Variants in ZC3H12B observed in about 807,000 individuals in gnomAD.
The protein encoded by ZC3H12B is zinc finger CCCH-type containing 12B, also known as probable ribonuclease ZC3H12B.
A neutral mutation model predicts 43.9 loss-of-function variants in ZC3H12B; 7 were observed. The observed-to-expected ratio is 0.16, with a 90% CI of 0.09 to 0.30. The LOEUF is 0.30. Among genes scored for constraint, ZC3H12B ranks in the 10% least tolerant of loss-of-function variants. ZC3H12B has a pLI of 1.00. For synonymous variants in ZC3H12B, 222 were observed against 241.7 expected (o/e 0.92, Z 0.76); for missense variants, 475 against 670.2 (o/e 0.71, Z 3.22).
At chrX:65,288,939 C>T in the ZC3H12B span, among the ~76,000 whole-genome samples, 1 of 110,915 alleles carries the variant, frequency 9.0e-6, no homozygotes, top group Non-Finnish European at 1.9e-5. Flanking sequence ...CATTTTTATA[C>T]ATTAAAAATG....
At chrX:65,271,079 A>C in the ZC3H12B span, 1 of 113,089 alleles carries the variant, frequency 8.8e-6, no homozygotes, top group South Asian at 3.7e-4. Flanking sequence ...TGACCATTAC[A>C]TATGATGCTG....
At chrX:65,478,598 G>A in intron 3 of ZC3H12B, among the ~76,000 whole-genome samples, 1 of 112,128 alleles carries the variant, frequency 8.9e-6, no homozygotes, top group African/African-American at 3.2e-5. Flanking sequence ...TAGCTTATTT[G>A]TCAGCTATTG....
intron 3 of ZC3H12B, among the ~76,000 whole-genome samples, chrX:65,466,459 C>A (rs1467956455): frequency 9.1e-6 from 1 of 109,686 alleles, no homozygotes; most frequent in Admixed American, 9.9e-5. Context: ...TTATCATTAT[C>A]CTGTTATCCA....
At chrX:65,127,721 A>G in the ZC3H12B span, among the ~76,000 whole-genome samples, 1 of 110,588 alleles carries the variant, frequency 9.0e-6, no homozygotes, top group African/African-American at 3.3e-5. Context: ...GGATGGGGAT[A>G]TGGTTCTCAA....
the ZC3H12B span, among the ~76,000 whole-genome samples, chrX:65,168,349 C>T: frequency 1.8e-5 from 2 of 111,385 alleles, no homozygotes; most frequent in African/African-American, 3.3e-5. Flanking sequence ...TATTGATTTG[C>T]ATATGTTGAA....
chrX:65,187,186 A>G, the ZC3H12B span: 1 of 111,734 alleles, frequency 8.9e-6, no homozygotes, highest in African/African-American at 3.3e-5. Flanking sequence ...GCACTATTGT[A>G]TCATTTCTCT....
At chrX:65,104,322 CT>C in the ZC3H12B span, among the ~76,000 whole-genome samples, 1 of 111,771 alleles carries the variant, frequency 8.9e-6, no homozygotes, top group Non-Finnish European at 1.9e-5. Context: ...AGAAGAAAAT[CT>C]AGGCAATACC....
chrX:65,488,225 G>A (rs916347290), upstream of ZC3H12B, among the ~76,000 whole-genome samples: 13 of 110,786 alleles, frequency 1.2e-4, no homozygotes, highest in African/African-American at 4.3e-4. Flanking sequence ...TATGGTGTGG[G>A]ATCTGGAAAC....
At chrX:65,217,296 C>T in the ZC3H12B span, among the ~76,000 whole-genome samples, 2 of 112,032 alleles carry the variant, frequency 1.8e-5, no homozygotes, top group African/African-American at 6.5e-5. Flanking sequence ...GTTAACAATA[C>T]TCATTGTCCT....
the ZC3H12B span, among the ~76,000 whole-genome samples, chrX:65,175,440 T>A: frequency 1.8e-5 from 2 of 112,140 alleles, no homozygotes; most frequent in East Asian, 5.6e-4. Context: ...GGAACCAATG[T>A]AATGACTATC....
chrX:65,269,361 AAAAC>A, the ZC3H12B span, among the ~76,000 whole-genome samples: 1 of 108,324 alleles, frequency 9.2e-6, no homozygotes, highest in African/African-American at 3.4e-5. Context: ...AAAACAAAAC[AAAAC>A]AAAAAAAAAA....
chrX:65,477,003 T>C (rs950228582), intron 3 of ZC3H12B, among the ~76,000 whole-genome samples: 21 of 104,777 alleles, frequency 2.0e-4, no homozygotes, highest in Non-Finnish European at 3.9e-5. Flanking sequence ...TTTTTTTTTT[T>C]TTGTATTTTT....
the ZC3H12B span, among the ~76,000 whole-genome samples, chrX:65,150,479 T>G: frequency 9.1e-6 from 1 of 109,967 alleles, no homozygotes; most frequent in Non-Finnish European, 1.9e-5. Context: ...ATCCTCTAAG[T>G]TCCTTCCCTG....
the ZC3H12B span, among the ~76,000 whole-genome samples, chrX:65,340,447 C>T: frequency 3.6e-5 from 4 of 112,030 alleles, no homozygotes; most frequent in African/African-American, 1.3e-4. Flanking sequence ...TGGCTAGGAC[C>T]ACCCATCAGA....
At chrX:65,422,160 T>A (rs1179418969) in intron 3 of ZC3H12B, among the ~76,000 whole-genome samples, 2 of 111,069 alleles carry the variant, frequency 1.8e-5, no homozygotes, top group Non-Finnish European at 1.9e-5. Context: ...CAGCATTCAA[T>A]ATACGGTGCT....
chrX:65,405,070 C>A, intron 3 of ZC3H12B, among the ~76,000 whole-genome samples: 1 of 112,005 alleles, frequency 8.9e-6, no homozygotes, highest in African/African-American at 3.2e-5. Context: ...TATACAAACA[C>A]ATGGAAGTTA....
chrX:65,458,942 A>G (rs977724376), intron 3 of ZC3H12B, among the ~76,000 whole-genome samples: 5 of 111,367 alleles, frequency 4.5e-5, no homozygotes, highest in African/African-American at 1.6e-4. Flanking sequence ...GAAAAGATCA[A>G]CAAAATTGAT....
chrX:65,112,557 C>T, the ZC3H12B span, among the ~76,000 whole-genome samples: 758 of 111,754 alleles, frequency 6.8e-3, 9 homozygotes, highest in African/African-American at 0.023. Flanking sequence ...TAAGTTGAAG[C>T]CAATGCTCAT....
chrX:65,159,105 G>A, the ZC3H12B span, among the ~76,000 whole-genome samples: 1 of 111,619 alleles, frequency 9.0e-6, no homozygotes, highest in Non-Finnish European at 1.9e-5. Flanking sequence ...TTATTTCTGA[G>A]GTCTCTGTTC....
Sources: gnomAD v4.1 joint callset for allele counts (sites outside exome capture counted in the v4.1 genomes callset) on GRCh38, gnomAD v4.1.1 for gene constraint, MANE v1.5 for transcripts, NCBI Gene and HGNC (gene_info 2026-07-23, HGNC 2026-07-21) for gene names.